NALF1: variants seen among roughly 807,000 people sequenced by gnomAD.
NALF1 encodes NALCN channel auxiliary factor 1.
Under a neutral mutation model 48.4 loss-of-function variants are expected in NALF1, and 3 were observed. The observed-to-expected ratio is 0.06, with a 90% confidence interval of 0.03 to 0.16. The LOEUF is 0.16. Among genes scored for constraint, NALF1 ranks in the 10% least tolerant of loss-of-function variants. NALF1 has a pLI of 1.00. For synonymous variants in NALF1, 262 were observed against 245.7 expected (o/e 1.07, Z -0.62); for missense variants, 526 against 571.5 (o/e 0.92, Z 0.81).
intron 1 of NALF1, among the ~76,000 whole-genome samples, chr13:107,338,795 C>T (rs1265692851): frequency 3.9e-5 from 6 of 152,048 alleles, no homozygotes; most frequent in East Asian, 1.9e-4. Context: ...CTGTTTGCCC[C>T]GCGTGTTTCC....
chr13:107,608,255 C>T (rs1303788773), intron 1 of NALF1, among the ~76,000 whole-genome samples: 1 of 152,014 alleles, frequency 6.6e-6, no homozygotes, highest in African/African-American at 2.4e-5. Flanking sequence ...TTGTGAGAAA[C>T]CCAGGACACG....
chr13:107,254,498 T>C (rs1408052695), intron 1 of NALF1, among the ~76,000 whole-genome samples: 1 of 152,140 alleles, frequency 6.6e-6, no homozygotes, highest in Non-Finnish European at 1.5e-5. Flanking sequence ...TCCGACACCA[T>C]AGTCCACAAA....
intron 1 of NALF1, among the ~76,000 whole-genome samples, chr13:107,640,401 A>G (rs574333754): frequency 7.1e-4 from 108 of 152,310 alleles, no homozygotes; most frequent in African/African-American, 2.5e-3. Flanking sequence ...AAACGTTCCT[A>G]AATTTATAAG....
At chr13:107,320,271 A>C (rs2138913030) in intron 1 of NALF1, among the ~76,000 whole-genome samples, 1 of 152,156 alleles carries the variant, frequency 6.6e-6, no homozygotes, top group African/African-American at 2.4e-5. Flanking sequence ...GGAGAAAAAC[A>C]CCCCATCAAA....
At chr13:107,200,026 C>T (rs537298893) in intron 2 of NALF1, among the ~76,000 whole-genome samples, 1 of 152,312 alleles carries the variant, frequency 6.6e-6, no homozygotes, top group Non-Finnish European at 1.5e-5. Context: ...TGAACACAAA[C>T]AATGTGTCTG....
chr13:107,680,974 C>CAT (rs10679491), intron 1 of NALF1, among the ~76,000 whole-genome samples: 146,707 of 151,784 alleles, frequency 0.97, 71,060 homozygotes, highest in East Asian at 1. Flanking sequence ...TGTGTGTACA[C>CAT]GTCATGTCAG....
intron 1 of NALF1, among the ~76,000 whole-genome samples, chr13:107,644,152 T>A (rs988441693): frequency 6.6e-6 from 1 of 151,992 alleles, no homozygotes; most frequent in African/African-American, 2.4e-5. Flanking sequence ...TCTTCAGAAA[T>A]ACTCATCTCA....
chr13:107,688,615 T>C (rs2138502332), intron 1 of NALF1, among the ~76,000 whole-genome samples: 1 of 152,268 alleles, frequency 6.6e-6, no homozygotes, highest in African/African-American at 2.4e-5. Flanking sequence ...AGTTTTCCAA[T>C]AAAATAAAAC....
intron 1 of NALF1, among the ~76,000 whole-genome samples, chr13:107,273,635 A>C (rs1203641583): frequency 6.6e-6 from 1 of 152,234 alleles, no homozygotes; most frequent in African/African-American, 2.4e-5. Flanking sequence ...ATGACTGAAT[A>C]ATCATTTTTA....
At chr13:107,862,235 T>G (rs188574986) in intron 1 of NALF1, among the ~76,000 whole-genome samples, 2 of 152,290 alleles carry the variant, frequency 1.3e-5, no homozygotes, top group Admixed American at 1.3e-4. Flanking sequence ...ATCCCATAAA[T>G]TCCTCACTTT....
At chr13:107,813,783 T>C (rs1455438707) in intron 1 of NALF1, among the ~76,000 whole-genome samples, 2 of 152,110 alleles carry the variant, frequency 1.3e-5, no homozygotes, top group African/African-American at 4.8e-5. Flanking sequence ...TCCATATACA[T>C]GAATAAGATA....
intron 1 of NALF1, among the ~76,000 whole-genome samples, chr13:107,360,416 C>T (rs1276718812): frequency 2.6e-5 from 4 of 152,148 alleles, no homozygotes; most frequent in East Asian, 1.9e-4. Context: ...ACTAATGAAA[C>T]ATCTCACCCT....
chr13:107,266,763 CA>C (rs1337080025), intron 1 of NALF1, among the ~76,000 whole-genome samples: 1 of 152,212 alleles, frequency 6.6e-6, no homozygotes, highest in African/African-American at 2.4e-5. Context: ...TGCACAAAAT[CA>C]CCTATGCAAA....
chr13:107,378,686 T>G (rs1227934565), intron 1 of NALF1, among the ~76,000 whole-genome samples: 2 of 152,210 alleles, frequency 1.3e-5, no homozygotes, highest in Non-Finnish European at 2.9e-5. Flanking sequence ...ATTGAACATT[T>G]GAAATATTTT....
At chr13:107,437,840 T>C (rs902424861) in intron 1 of NALF1, among the ~76,000 whole-genome samples, 4 of 152,340 alleles carry the variant, frequency 2.6e-5, no homozygotes, top group South Asian at 2.1e-4. Context: ...CTTCATTTAA[T>C]ATACATTTTA....
rs1032096871 is a variant in NALF1 at position 107,512,850 on chromosome 13, G to A, written c.916-302095C>T. 6.6e-5 allele frequency among the ~76,000 whole-genome samples: 10 copies of A among 152,060 alleles called. No individual in the cohort carries two copies. The East Asian group carries it at 1.5e-3, about 23-fold the overall frequency. ...TTCTTATGGAAAGCTGCTTCCACCCGCTCCCTTTTTTAGCTAGTCCTCAAT... is the reference window on the plus strand; with the variant it reads ...TTCTTATGGAAAGCTGCTTCCACCCACTCCCTTTTTTAGCTAGTCCTCAAT... On this transcript the variant is annotated intron_variant, in intron 1 of 2. Coordinates refer to ENST00000375915, the MANE Select transcript of NALF1 (RefSeq NM_001080396.3).
intron 1 of NALF1, among the ~76,000 whole-genome samples, chr13:107,266,989 G>A (rs1351824620): frequency 6.6e-6 from 1 of 152,076 alleles, no homozygotes; most frequent in Non-Finnish European, 1.5e-5. Flanking sequence ...GATGTTTACC[G>A]AGCCAGTGTT....
At chr13:107,421,005 G>A (rs1884176341) in intron 1 of NALF1, among the ~76,000 whole-genome samples, 1 of 152,078 alleles carries the variant, frequency 6.6e-6, no homozygotes, top group Admixed American at 6.6e-5. Context: ...ACCAAACAAT[G>A]CAAATAAAAG....
At chr13:107,539,235 T>C (rs1461095935) in intron 1 of NALF1, among the ~76,000 whole-genome samples, 1 of 151,904 alleles carries the variant, frequency 6.6e-6, no homozygotes, top group Non-Finnish European at 1.5e-5. Flanking sequence ...TCCAAAATCA[T>C]GGCATCAGCA....
Sources: gnomAD v4.1 joint callset for allele counts (sites outside exome capture counted in the v4.1 genomes callset) on GRCh38, gnomAD v4.1.1 for gene constraint, MANE v1.5 for transcripts, NCBI Gene and HGNC (gene_info 2026-07-23, HGNC 2026-07-21) for gene names.